VEGFC: variants seen among roughly 807,000 people sequenced by gnomAD.
VEGFC encodes FLT4 ligand DHM.
A neutral mutation model predicts 46.1 loss-of-function variants in VEGFC; 12 were observed. That is an observed-to-expected ratio of 0.26 (90% CI 0.17 to 0.42). The LOEUF (loss-of-function observed/expected upper bound fraction) is 0.42. Among genes scored for constraint, VEGFC ranks in the 10% least tolerant of loss-of-function variants. The pLI is 1.00. For synonymous variants in VEGFC, 232 were observed against 195.5 expected (o/e 1.19, Z -1.56); for missense variants, 488 against 529.4 (o/e 0.92, Z 0.77).
intron 1 of VEGFC, among the ~76,000 whole-genome samples, chr4:176,775,158 C>T (rs568589165): frequency 3.5e-4 from 53 of 152,246 alleles, no homozygotes; most frequent in African/African-American, 1.3e-3. Context: ...AGCAAGTAAC[C>T]TGCAGACAGA....
chr4:176,750,505 C>T (rs1331941837), intron 1 of VEGFC, among the ~76,000 whole-genome samples: 1 of 151,470 alleles, frequency 6.6e-6, no homozygotes, highest in Non-Finnish European at 1.5e-5. Context: ...AAAGGGTTCA[C>T]AATACAGTAA....
At chr4:176,726,501 G>A (rs897520257) in intron 3 of VEGFC, among the ~76,000 whole-genome samples, 10 of 152,064 alleles carry the variant, frequency 6.6e-5, no homozygotes, top group Non-Finnish European at 1.5e-4. Flanking sequence ...CTTCTTGCAA[G>A]TCTTAATCTA....
At chr4:176,752,443 G>A (rs1386782796) in intron 1 of VEGFC, among the ~76,000 whole-genome samples, 1 of 152,000 alleles carries the variant, frequency 6.6e-6, no homozygotes, top group African/African-American at 2.4e-5. Flanking sequence ...AACGTTCTAA[G>A]GTTACTGCCA....
intron 4 of VEGFC, among the ~76,000 whole-genome samples, chr4:176,690,640 T>C (rs1487403351): frequency 6.6e-6 from 1 of 152,182 alleles, no homozygotes; most frequent in Non-Finnish European, 1.5e-5. Flanking sequence ...TTTTTAAAAT[T>C]TATATCCTCT....
chr4:176,754,171 G>T (rs755040494), intron 1 of VEGFC, among the ~76,000 whole-genome samples: 19 of 151,592 alleles, frequency 1.3e-4, no homozygotes, highest in Non-Finnish European at 2.4e-4. Context: ...ATTTATCACT[G>T]CAGTGACATA....
At chr4:176,764,675 G>A (rs1312394564) in intron 1 of VEGFC, among the ~76,000 whole-genome samples, 1 of 152,168 alleles carries the variant, frequency 6.6e-6, no homozygotes, top group East Asian at 1.9e-4. Context: ...ATACCAGACT[G>A]ATACACACAG....
intron 3 of VEGFC, 68 bp downstream of exon 3, chr4:176,727,710 A>T: frequency 2.0e-6 from 3 of 1,493,986 alleles, no homozygotes; most frequent in Non-Finnish European, 2.7e-6. Context: ...GTTTAAACAC[A>T]TCATCCCCAA....
At chr4:176,788,984 T>C (rs753686947) in intron 1 of VEGFC, among the ~76,000 whole-genome samples, 2 of 152,220 alleles carry the variant, frequency 1.3e-5, no homozygotes, top group Non-Finnish European at 2.9e-5. Flanking sequence ...ACACACGTTA[T>C]GAACATCACA....
chr4:176,692,399 C>A lies in VEGFC; in HGVS notation c.705-4472G>T, dbSNP rs60419303. The stretch of plus-strand genomic sequence containing the variant: ...ACAGAGCGAGACTCCGTCTCAAAAA[C>A]AAACAAACAAACAAACAAAAAAAAA... On this transcript the variant is annotated intron_variant, in intron 4 of 6. Transcript: ENST00000618562. 2.7e-3 allele frequency among the ~76,000 whole-genome samples: 299 copies of A among 112,048 alleles called. 2 individuals carry two copies. Among genetic ancestry groups the A allele is most frequent in the African/African-American group, 0.01 (149 of 14,900 alleles). 73.5% of individuals were successfully genotyped at this position (112,048 alleles called of 152,430 possible). A position where few individuals can be genotyped will look rare whatever the true frequency, so the allele number is the denominator to read the frequency against.
rs571706624 is a variant in VEGFC at position 176,702,229 on chromosome 4, A to G, written c.704+9270T>C. Among the ~76,000 whole-genome samples, 4 of 152,300 alleles carry G rather than the reference A, an allele frequency of 2.6e-5. No homozygotes were observed. In the South Asian group the frequency reaches 6.2e-4, roughly 24 times the overall value. ...AGTAAGTGTAACTTCTTGCAAGCAA[A>G]TAAGTTTTACTGAGTAAACAATGTC... is the stretch of plus-strand genomic sequence containing the variant. On this transcript the variant is annotated intron_variant, in intron 4 of 6. Coordinates refer to ENST00000618562, the MANE Select transcript of VEGFC (RefSeq NM_005429.5).
At chr4:176,746,520 G>A (rs1246038765) in intron 1 of VEGFC, among the ~76,000 whole-genome samples, 3 of 152,122 alleles carry the variant, frequency 2.0e-5, no homozygotes, top group African/African-American at 7.2e-5. Context: ...AGTAGTTTGT[G>A]AGCACCAGTT....
At chr4:176,730,568 T>G (rs1734945969) in intron 1 of VEGFC, among the ~76,000 whole-genome samples, 1 of 152,120 alleles carries the variant, frequency 6.6e-6, no homozygotes, top group African/African-American at 2.4e-5. Context: ...GTCATGATTA[T>G]CCCAGCTTTT....
Position 176,692,104 on chromosome 4 carries a change from CG to C in VEGFC, c.705-4178del, listed in dbSNP as rs1734197863. 2.0e-5 allele frequency among the ~76,000 whole-genome samples: 3 copies of C among 152,146 alleles called. No individual in the cohort carries two copies. The South Asian group carries it at 6.2e-4, about 32-fold the overall frequency. ...GCGCTTTTCCGACGGGCTTAAAAAA[CG>C]GCGCACCGGCCCGGCGCGGTGGCTC... On this transcript the variant is annotated intron_variant, in intron 4 of 6. Transcript: ENST00000618562.
At chr4:176,748,486 T>C (rs926726978) in intron 1 of VEGFC, among the ~76,000 whole-genome samples, 5 of 151,798 alleles carry the variant, frequency 3.3e-5, no homozygotes, top group African/African-American at 1.2e-4. Context: ...ATATTTCAAG[T>C]AGTACGTATA....
In VEGFC at chr4:176,702,300, C is replaced by T. The variant is rs2110987968; in HGVS notation, c.704+9199G>A. Among the ~76,000 whole-genome samples the T allele has an allele frequency of 1.3e-5, 2 of 149,866 alleles. 1 individual carries two copies. The highest frequency in any genetic ancestry group is 4.3e-4 in the South Asian group (2 of 4,654). ...AAAAGACAGCAAATAAATAAATATG[C>T]AAATTAGCCTTCAGGCTAGATTTAT... On this transcript the variant is annotated intron_variant, in intron 4 of 6. Coordinates refer to ENST00000618562, the MANE Select transcript of VEGFC (RefSeq NM_005429.5).
At chr4:176,737,644 C>G (rs921213770) in intron 1 of VEGFC, among the ~76,000 whole-genome samples, 6 of 151,476 alleles carry the variant, frequency 4.0e-5, no homozygotes, top group Non-Finnish European at 8.9e-5. Flanking sequence ...TATATATTAA[C>G]TATTGTAGGA....
chr4:176,735,766 C>T (rs1001338197), intron 1 of VEGFC, among the ~76,000 whole-genome samples: 3 of 151,830 alleles, frequency 2.0e-5, no homozygotes, highest in Non-Finnish European at 4.4e-5. Context: ...CATGGGACCA[C>T]ATAACATCAT....
chr4:176,684,653 T>A (rs769960766), intron 6 of VEGFC, among the ~76,000 whole-genome samples: 3 of 152,142 alleles, frequency 2.0e-5, no homozygotes, highest in African/African-American at 7.2e-5. Context: ...ATCCTAGACT[T>A]CCAGTTTCCA....
intron 6 of VEGFC, among the ~76,000 whole-genome samples, chr4:176,686,136 A>G (rs111413444): frequency 2.9e-4 from 44 of 152,330 alleles, no homozygotes; most frequent in African/African-American, 1.1e-3. Context: ...GACAACTAGG[A>G]AAGTACAATG....
Sources: gnomAD v4.1 joint callset for allele counts (sites outside exome capture counted in the v4.1 genomes callset) on GRCh38, gnomAD v4.1.1 for gene constraint, MANE v1.5 for transcripts, NCBI Gene and HGNC (gene_info 2026-07-23, HGNC 2026-07-21) for gene names.